Variants in ZNF713 observed in about 807,000 individuals in gnomAD.
ZNF713 encodes the protein zinc finger protein 713.
In ZNF713, 21 loss-of-function variants were observed where a neutral mutation model predicts 28.7. The ratio of observed to expected loss-of-function variants is 0.73; its 90% CI spans 0.52 to 1.05. The LOEUF (loss-of-function observed/expected upper bound fraction) is 1.05, where lower values mean the gene tolerates loss of function less well. ZNF713 is among the 50% of genes least tolerant of loss of function. ZNF713 has a pLI of 0.00. For missense variants in ZNF713, 458 were observed against 532.4 expected, an observed-to-expected ratio of 0.86 and a Z score of 1.37; for synonymous variants, 167 against 178.0, an observed-to-expected ratio of 0.94 and a Z score of 0.49.
At chr7:55,896,157 G>A (rs1785468500) in intron 1 of ZNF713, among the ~76,000 whole-genome samples, 1 of 152,048 alleles carries the variant, frequency 6.6e-6, no homozygotes, top group Non-Finnish European at 1.5e-5. Context: ...AATGAGAGAA[G>A]CCACCTGAGA....
In ZNF713 at chr7:55,939,951, G is replaced by A; in HGVS notation, c.1277G>A (p.Cys426Tyr). ...HRKIHTREKLCEYKCEQTVRH... is the reference protein window; with the variant it reads ...HRKIHTREKLYEYKCEQTVRH... ...AAAATCCATACTCGGGAGAAATTATGTGAATATAAATGTGAGCAAACTGTT... is the reference window on the plus strand; with the variant it reads ...AAAATCCATACTCGGGAGAAATTATATGAATATAAATGTGAGCAAACTGTT... Residue 426 changes from cysteine (C) to tyrosine (Y), a missense_variant, in exon 7 of 7, where the codon TGT becomes TAT. Coordinates refer to ENST00000429591, the MANE Select transcript of ZNF713 (RefSeq NM_182633.3). 1 of 1,612,664 alleles carries A rather than the reference G, an allele frequency of 6.2e-7. No homozygotes were observed. The highest frequency in any genetic ancestry group is 8.5e-7 in the Non-Finnish European group (1 of 1,179,196).
intron 6 of ZNF713, among the ~76,000 whole-genome samples, chr7:55,934,216 C>G (rs184428052): frequency 6.6e-6 from 1 of 152,158 alleles, no homozygotes; most frequent in East Asian, 1.9e-4. Context: ...CTTTGAAAAT[C>G]TAATGAAAGT....
At chr7:55,918,296 T>A in intron 4 of ZNF713, 1 of 262,702 alleles carries the variant, frequency 3.8e-6, no homozygotes, top group Non-Finnish European at 8.0e-6. Flanking sequence ...TTTGCCAGCC[T>A]TGTGAGTAAG....
Position 55,887,846 on chromosome 7 carries a change from GGCGGCGGCGGGCGGCGGGCGGCGGC to G in ZNF713, c.-583+168_-583+192del, listed in dbSNP as rs1785296277. On this transcript the variant is annotated intron_variant, in intron 1 of 6. Coordinates refer to ENST00000429591, the MANE Select transcript of ZNF713 (RefSeq NM_182633.3). ...CGGCGGGCGGCGGGCGGCGGGCGGC[GGCGGCGGCGGGCGGCGGGCGGCGGC>G]GGCGGCGGCGGCGGCGGGCGGCGGC... 2.2e-4 allele frequency among the ~76,000 whole-genome samples: 3 copies of G among 13,708 alleles called. 1 individual carries two copies. Among genetic ancestry groups the G allele is most frequent in the Non-Finnish European group, 3.0e-4 (2 of 6,736 alleles). The allele number at this position is 13,708 out of a possible 152,430, so 9.0% of individuals were successfully genotyped here. A position where few individuals can be genotyped will look rare whatever the true frequency, so the allele number is the denominator to read the frequency against.
At chr7:55,889,394 C>G (rs1049144050) in intron 1 of ZNF713, among the ~76,000 whole-genome samples, 9 of 152,144 alleles carry the variant, frequency 5.9e-5, no homozygotes, top group Non-Finnish European at 1.3e-4. Flanking sequence ...AGCCACTGCG[C>G]CCGGCCTGAT....
rs775792559 is a variant in ZNF713 at position 55,939,496 on chromosome 7, C to T, written c.822C>T (p.Ser274=). Residue 274 remains serine, a synonymous_variant, in exon 7 of 7, where the codon AGC becomes AGT. Transcript: ENST00000429591. ...GKAFSHTSSL[S]QPQMLLTGEK... ...CCTTCAGCCACACCTCATCTCTTAG[C>T]CAGCCTCAGATGTTGCTTACAGGAG... The T allele has an allele frequency of 1.2e-6, 2 of 1,614,056 alleles. No homozygotes were observed. Among genetic ancestry groups the T allele is most frequent in the South Asian group, 2.2e-5 (2 of 91,060 alleles).
chr7:55,914,231 C>A (rs960480123), intron 4 of ZNF713, among the ~76,000 whole-genome samples: 4 of 151,960 alleles, frequency 2.6e-5, no homozygotes, highest in Non-Finnish European at 4.4e-5. Flanking sequence ...CTAGTTTAGC[C>A]ATCTTTTTTG....
At chr7:55,923,795 T>C in intron 6 of ZNF713, 96 bp downstream of exon 6, 3 of 824,186 alleles carry the variant, frequency 3.6e-6, no homozygotes, top group Non-Finnish European at 5.8e-6. Context: ...CTCTGGGATA[T>C]AAGGAATACT....
intron 1 of ZNF713, among the ~76,000 whole-genome samples, chr7:55,897,554 T>C (rs1785496685): frequency 6.6e-6 from 1 of 152,122 alleles, no homozygotes; most frequent in South Asian, 2.1e-4. Flanking sequence ...GCGTTAGGAT[T>C]ACAAGCATAC....
Position 55,939,361 on chromosome 7 carries a change from T to G in ZNF713, c.687T>G (p.Tyr229Ter), listed in dbSNP as rs1786417586. ...ACTTGATTTACTATCAGGGAAATTA[T>G]GTAAGAGAGACTCCCTATGAATATA... The part of the protein sequence containing the change: ...NSDLIYYQGN[Y>*]VRETPYEYSE... Residue 229 changes from tyrosine to a stop codon, truncating the protein, a stop_gained, in exon 7 of 7, where the codon TAT (tyrosine) becomes TAG (stop). Coordinates refer to ENST00000429591, the MANE Select transcript of ZNF713 (RefSeq NM_182633.3). LOFTEE classifies it high-confidence loss of function. The G allele has an allele frequency of 6.2e-7, 1 of 1,614,030 alleles. No homozygotes were observed. The highest frequency in any genetic ancestry group is 1.1e-5 in the South Asian group (1 of 91,044).
intron 6 of ZNF713, among the ~76,000 whole-genome samples, chr7:55,928,118 A>G (rs529346226): frequency 1.3e-5 from 2 of 152,010 alleles, no homozygotes; most frequent in South Asian, 4.2e-4. Context: ...CAGGTAGAGG[A>G]CTCATGGTAC....
intron 1 of ZNF713, among the ~76,000 whole-genome samples, chr7:55,902,946 C>G (rs1355774465): frequency 6.9e-6 from 1 of 144,594 alleles, no homozygotes; most frequent in Admixed American, 7.3e-5. Context: ...TGAGCCGAGA[C>G]CTCACCATTG....
chr7:55,908,208 T>TCTTG (rs1356738759), intron 2 of ZNF713, among the ~76,000 whole-genome samples: 2 of 145,768 alleles, frequency 1.4e-5, no homozygotes, highest in South Asian at 2.2e-4. Context: ...AGTGGTGTGA[T>TCTTG]CTTGGCTCAG....
intron 5 of ZNF713, 77 bp from the exon 6 acceptor site, chr7:55,923,530 T>C: frequency 7.6e-7 from 1 of 1,324,356 alleles, no homozygotes; most frequent in Non-Finnish European, 1.1e-6. Flanking sequence ...GCTCTAAAGA[T>C]TGAAAAGGTT....
chr7:55,892,554 CCAAAAA>C (rs1785401983), intron 1 of ZNF713, among the ~76,000 whole-genome samples: 1 of 19,740 alleles, frequency 5.1e-5, no homozygotes. Flanking sequence ...AAAGCACTGA[CCAAAAA>C]AAAAAAAAAA....
intron 4 of ZNF713, among the ~76,000 whole-genome samples, chr7:55,915,597 A>G (rs1328408203): frequency 1.3e-5 from 2 of 152,262 alleles, no homozygotes; most frequent in South Asian, 2.1e-4. Context: ...AAGAAAAGAT[A>G]AGTAGAACCT....
chr7:55,929,875 T>C lies in ZNF713; in HGVS notation c.307+6176T>C, dbSNP rs547099871. Among the ~76,000 whole-genome samples the C allele has an allele frequency of 2.6e-5, 4 of 152,316 alleles. No homozygotes were observed. The East Asian group carries it at 7.7e-4, about 29-fold the overall frequency. Reference sequence around the variant, plus strand: ...GAAGCCATTAAAGAGGAGATTCATATATTCAATACACACAAATCCAAAAAT... The same window carrying C: ...GAAGCCATTAAAGAGGAGATTCATACATTCAATACACACAAATCCAAAAAT... On this transcript the variant is annotated intron_variant, in intron 6 of 6. Coordinates refer to ENST00000429591, the MANE Select transcript of ZNF713 (RefSeq NM_182633.3).
chr7:55,926,439 C>G (rs1786097081), intron 6 of ZNF713, among the ~76,000 whole-genome samples: 1 of 152,158 alleles, frequency 6.6e-6, no homozygotes, highest in Admixed American at 6.5e-5. Context: ...GGCAGCCTAA[C>G]CGTCTTCCCT....
At position 55,939,449 on chromosome 7, in the gene ZNF713, A is replaced by G. The variant is rs369354789; in HGVS notation, c.775A>G (p.Lys259Glu). ...LLTDHIHTAEKPSECGKAFSH... is the reference protein window; with the variant it reads ...LLTDHIHTAEEPSECGKAFSH... Reference sequence around the variant, plus strand: ...TACTGATCATATTCATACTGCAGAGAAACCCAGTGAGTGTGGGAAGGCCTT... The same window carrying G: ...TACTGATCATATTCATACTGCAGAGGAACCCAGTGAGTGTGGGAAGGCCTT... The change falls in exon 7 of 7, where the codon AAA (lysine) becomes GAA (glutamate). Residue 259 changes from lysine to glutamate, a missense_variant. Physicochemically the swap from Lys to Glu is moderately conservative, Grantham distance 56 (BLOSUM62 1). Transcript: ENST00000429591. The G allele has an allele frequency of 1.2e-6, 2 of 1,614,132 alleles. No homozygotes were observed. Among genetic ancestry groups the G allele is most frequent in the Non-Finnish European group, 1.7e-6 (2 of 1,180,032 alleles).
Sources: allele counts gnomAD v4.1 joint callset (sites outside exome capture counted in the v4.1 genomes callset), GRCh38; gene constraint gnomAD v4.1.1; transcripts MANE v1.5; gene names NCBI Gene and HGNC (gene_info 2026-07-23, HGNC 2026-07-21).